Variants in UGT1A4 observed in about 807,000 individuals in gnomAD.
The protein encoded by UGT1A4 is UDP-glucuronosyltransferase 1A4.
UGT1A4 carries 32 observed loss-of-function variants against 41.1 expected under a neutral mutation model. The observed-to-expected ratio is 0.78, with a 90% CI of 0.59 to 1.05. UGT1A4 has a LOEUF of 1.05. Ranked by LOEUF, UGT1A4 falls within the 50% of genes least tolerant of loss-of-function variation. The probability of loss-of-function intolerance (pLI) is 0.00; values close to 1 mark genes in which losing one functional copy is unlikely to be tolerated. For missense variants in UGT1A4, 748 were observed against 677.4 expected (o/e 1.10, Z -1.16); for synonymous variants, 283 against 265.1 (o/e 1.07, Z -0.66).
chr2:233,725,733 T>C (rs1277713269), intron 1 of UGT1A4, among the ~76,000 whole-genome samples: 1 of 152,236 alleles, frequency 6.6e-6, no homozygotes, highest in Non-Finnish European at 1.5e-5. Flanking sequence ...TGTTTACAAA[T>C]GTAAACATTG....
At chr2:233,751,587 G>A (rs1303617779) in intron 1 of UGT1A4, among the ~76,000 whole-genome samples, 5 of 152,220 alleles carry the variant, frequency 3.3e-5, no homozygotes, top group African/African-American at 1.2e-4. Flanking sequence ...ATTCCCATGT[G>A]TTAAGGATGG....
intron 1 of UGT1A4, chr2:233,729,989 C>T (rs1412952740): frequency 6.2e-7 from 1 of 1,614,050 alleles, no homozygotes; most frequent in Non-Finnish European, 8.5e-7. Flanking sequence ...AAGCCACTAT[C>T]TCAGGTCTGT....
At chr2:233,731,284 C>CTTTTTTTTT (rs78127606) in intron 1 of UGT1A4, among the ~76,000 whole-genome samples, 1 of 139,768 alleles carries the variant, frequency 7.2e-6, no homozygotes. Flanking sequence ...GTTTTTCTTT[C>CTTTTTTTTT]TTTTTTTTTT....
intron 1 of UGT1A4, chr2:233,750,737 C>T (rs1464125177): frequency 6.6e-6 from 1 of 151,908 alleles, no homozygotes; most frequent in Non-Finnish European, 1.5e-5. Context: ...AGGGTGCAAA[C>T]CTCAAGCCTT....
In UGT1A4 at chr2:233,743,758, G is replaced by T. The variant is rs761738753; in HGVS notation, c.868-23276G>T. 5 of 1,367,210 alleles carry T rather than the reference G, an allele frequency of 3.7e-6. No homozygotes were observed. In the Admixed American group the frequency reaches 9.5e-5, roughly 26 times the overall value. 84.7% of individuals were successfully genotyped at this position (1,367,210 alleles called of 1,614,324 possible). ...GTTTCTTGGCGTCCGACAACACCTCGTAGGCCTCGGCCACCTGCTTGAATC... is the reference window on the plus strand; with the variant it reads ...GTTTCTTGGCGTCCGACAACACCTCTTAGGCCTCGGCCACCTGCTTGAATC... On this transcript the variant is annotated intron_variant, in intron 1 of 4. Coordinates refer to ENST00000373409, the MANE Select transcript of UGT1A4 (RefSeq NM_007120.3).
intron 1 of UGT1A4, chr2:233,729,086 A>G: frequency 6.2e-7 from 1 of 1,612,434 alleles, no homozygotes; most frequent in African/African-American, 1.3e-5. Flanking sequence ...TAGCAGGCAC[A>G]GCGTGGGGTG....
chr2:233,728,265 C>G (rs1230027648), intron 1 of UGT1A4, among the ~76,000 whole-genome samples: 1 of 152,182 alleles, frequency 6.6e-6, no homozygotes, highest in Admixed American at 6.5e-5. Context: ...GAAATAAAGA[C>G]TGGAGCCTTC....
intron 1 of UGT1A4, among the ~76,000 whole-genome samples, chr2:233,734,913 T>G (rs1279998122): frequency 6.6e-6 from 1 of 152,224 alleles, no homozygotes; most frequent in Non-Finnish European, 1.5e-5. Context: ...TTACATTTGC[T>G]AAGGAGTGCT....
intron 4 of UGT1A4, 140 bp from the exon 5 acceptor site, chr2:233,772,122 C>T (rs749512514): frequency 2.9e-5 from 45 of 1,536,534 alleles, no homozygotes; most frequent in Non-Finnish European, 3.9e-5. Flanking sequence ...CTAAAAACAA[C>T]AACAACAACA....
At chr2:233,761,337 T>C (rs1199702907) in intron 1 of UGT1A4, among the ~76,000 whole-genome samples, 1 of 152,264 alleles carries the variant, frequency 6.6e-6, no homozygotes, top group Non-Finnish European at 1.5e-5. Context: ...GATTTCTTGG[T>C]ATCTGAGATT....
chr2:233,766,851 A>G (rs1202142571), intron 1 of UGT1A4, among the ~76,000 whole-genome samples, 183 bp from the exon 2 acceptor site: 1 of 152,234 alleles, frequency 6.6e-6, no homozygotes, highest in Non-Finnish European at 1.5e-5. Flanking sequence ...TTCCTCCTTT[A>G]GAAGGAAGTA....
Position 233,772,341 on chromosome 2 carries a change from G to A in UGT1A4, c.1387G>A (p.Val463Met), listed in dbSNP as rs753234232. The change falls in exon 5 of 5, where the codon GTG becomes ATG. Residue 463 changes from valine (V) to methionine (M), a missense_variant. Val to Met is a conservative substitution (Grantham distance 21, BLOSUM62 1). Coordinates refer to ENST00000373409, the MANE Select transcript of UGT1A4 (RefSeq NM_007120.3). ...GCCGCTGGACCTGGCCGTGTTCTGG[G>A]TGGAGTTTGTGATGAGGCACAAGGG... ...VEPLDLAVFW[V>M]EFVMRHKGAP... The A allele has an allele frequency of 1.9e-6, 3 of 1,614,248 alleles. No individual in the cohort carries two copies. The highest frequency in any genetic ancestry group is 4.5e-5 in the East Asian group (2 of 44,884).
chr2:233,764,019 G>A (rs970114557), intron 1 of UGT1A4, among the ~76,000 whole-genome samples: 1 of 152,200 alleles, frequency 6.6e-6, no homozygotes, highest in Non-Finnish European at 1.5e-5. Context: ...CCCACATGGT[G>A]TCTAAGTGCT....
intron 1 of UGT1A4, among the ~76,000 whole-genome samples, chr2:233,762,296 G>A (rs1425632739): frequency 6.6e-6 from 1 of 152,206 alleles, no homozygotes; most frequent in Non-Finnish European, 1.5e-5. Context: ...GGTGCCAACC[G>A]AGGTCTAGTT....
intron 1 of UGT1A4, among the ~76,000 whole-genome samples, chr2:233,764,613 G>C (rs1465626858): frequency 6.6e-6 from 1 of 152,080 alleles, no homozygotes; most frequent in Admixed American, 6.5e-5. Context: ...GTAAGAGTGG[G>C]TTTCATGAAG....
chr2:233,731,689 G>A (rs1162226344), intron 1 of UGT1A4, among the ~76,000 whole-genome samples: 1 of 152,164 alleles, frequency 6.6e-6, no homozygotes, highest in Non-Finnish European at 1.5e-5. Flanking sequence ...TATCATTGAT[G>A]GACATTTGGA....
At position 233,755,093 on chromosome 2, in the gene UGT1A4, C is replaced by T. The variant is rs566230339; in HGVS notation, c.868-11941C>T. 8.2e-6 allele frequency: 11 copies of T among 1,335,068 alleles called. No individual in the cohort carries two copies. The East Asian group carries it at 3.7e-4, about 44-fold the overall frequency. The allele number at this position is 1,335,068 out of a possible 1,614,324, so 82.7% of individuals were successfully genotyped here. A position where few individuals can be genotyped will look rare whatever the true frequency, so the allele number is the denominator to read the frequency against. ...AGCGGTCATAGATATCGCGTTTCTA[C>T]GCGTCCGACAACACCTCGTAGGCCT... On this transcript the variant is annotated intron_variant, in intron 1 of 4. Transcript: ENST00000373409.
chr2:233,729,088 C>T (rs369653208), intron 1 of UGT1A4: 20 of 1,612,314 alleles, frequency 1.2e-5, no homozygotes, highest in African/African-American at 8.0e-5. Flanking sequence ...GCAGGCACAG[C>T]GTGGGGTGGA....
intron 1 of UGT1A4, chr2:233,729,157 T>C (rs3821242): frequency 0.46 from 737,600 of 1,613,154 alleles, 172,577 homozygotes; most frequent in African/African-American, 0.64. Flanking sequence ...TCCCCTGCCG[T>C]GGCTGGCCAC....
Sources: gnomAD v4.1 joint callset for allele counts (sites outside exome capture counted in the v4.1 genomes callset) on GRCh38, gnomAD v4.1.1 for gene constraint, MANE v1.5 for transcripts, NCBI Gene and HGNC (gene_info 2026-07-23, HGNC 2026-07-21) for gene names.